The following IL1R1 variants were observed in gnomAD, a reference collection of about 807,000 sequenced individuals.
The protein encoded by IL1R1 is interleukin 1 receptor type 1.
A neutral mutation model predicts 50.2 loss-of-function variants in IL1R1; 22 were observed. That is an observed-to-expected ratio of 0.44 (90% CI 0.31 to 0.63). The LOEUF (loss-of-function observed/expected upper bound fraction) is 0.63, where lower values mean the gene tolerates loss of function less well. IL1R1 is among the 20% of genes least tolerant of loss of function. IL1R1 has a pLI of 0.07. For synonymous variants in IL1R1, 251 were observed against 236.7 expected (o/e 1.06, Z -0.55); for missense variants, 509 against 676.2 (o/e 0.75, Z 2.74).
At position 102,165,178 on chromosome 2, in the gene IL1R1, A is replaced by G; in HGVS notation, c.360A>G (p.Leu120=). ...SAKFVENEPN[L]CYNAQAIFKQ... ...AATTTGTGGAGAATGAGCCTAACTT[A>G]TGTTATAATGCACAAGCCATATTTA... The change falls in exon 5 of 12, where the codon TTA becomes TTG. Residue 120 remains leucine, a synonymous_variant. Coordinates refer to ENST00000410023, the MANE Select transcript of IL1R1 (RefSeq NM_000877.4). 6.3e-7 allele frequency: 1 copy of G among 1,599,104 alleles called. No homozygotes were observed. Among genetic ancestry groups the G allele is most frequent in the Non-Finnish European group, 8.5e-7 (1 of 1,175,766 alleles).
intron 1 of IL1R1, among the ~76,000 whole-genome samples, chr2:102,137,518 A>C (rs892779372): frequency 1.3e-5 from 2 of 152,138 alleles, no homozygotes; most frequent in Non-Finnish European, 2.9e-5. Context: ...CATGGTATAC[A>C]TGTGGCTCGA....
chr2:102,088,556 A>C lies in IL1R1; in HGVS notation c.-84+18023A>C, dbSNP rs112600616. Among the ~76,000 whole-genome samples the C allele has an allele frequency of 7.8e-3, 1,187 of 152,338 alleles. 14 individuals carry two copies. The highest frequency in any genetic ancestry group is 0.028 in the African/African-American group (1,152 of 41,584). ...GCATAGGTAGAGTAGATGTAGCCTA[A>C]GTTTTGAAATGAGAAATGGACGTTG... is the stretch of plus-strand genomic sequence containing the variant. On this transcript the variant is annotated intron_variant, in intron 1 of 11. Transcript: ENST00000409929.
At chr2:102,167,442 GTTTTTTTTTTTTT>G (rs3047461) in intron 6 of IL1R1, among the ~76,000 whole-genome samples, 1 of 68,916 alleles carries the variant, frequency 1.5e-5, no homozygotes, top group South Asian at 6.6e-4. Context: ...TAGGTTAAGT[GTTTTTTTTTTTTT>G]TTTTTTTTTT....
At chr2:102,157,586 A>C (rs1478896797) in intron 2 of IL1R1, 133 bp from the exon 3 acceptor site, 1 of 670,836 alleles carries the variant, frequency 1.5e-6, no homozygotes, top group Non-Finnish European at 2.7e-6. Context: ...CATGATGTAG[A>C]AAAACCAGTT....
At chr2:102,131,952 A>G (rs1017880891) in intron 1 of IL1R1, among the ~76,000 whole-genome samples, 1 of 152,146 alleles carries the variant, frequency 6.6e-6, no homozygotes, top group African/African-American at 2.4e-5. Flanking sequence ...CTGAGGGAAA[A>G]AATACGCCTA....
chr2:102,115,046 T>C (rs971817651), intron 1 of IL1R1, among the ~76,000 whole-genome samples: 3 of 152,186 alleles, frequency 2.0e-5, no homozygotes, highest in Non-Finnish European at 4.4e-5. Flanking sequence ...GGCCAGTAGT[T>C]GTCAACCCTG....
At chr2:102,150,966 A>G (rs529700979) in intron 1 of IL1R1, among the ~76,000 whole-genome samples, 1 of 152,348 alleles carries the variant, frequency 6.6e-6, no homozygotes, top group African/African-American at 2.4e-5. Flanking sequence ...GGAAAATTCA[A>G]TCTGAAAAAT....
chr2:102,131,868 A>T (rs894958002), intron 1 of IL1R1, among the ~76,000 whole-genome samples: 4 of 151,856 alleles, frequency 2.6e-5, no homozygotes, highest in Admixed American at 6.6e-5. Flanking sequence ...ACCTTAAGAA[A>T]CTTGAGGACA....
At chr2:102,116,600 G>A (rs1681084332) in intron 1 of IL1R1, among the ~76,000 whole-genome samples, 2 of 152,168 alleles carry the variant, frequency 1.3e-5, no homozygotes, top group African/African-American at 2.4e-5. Flanking sequence ...AGAGTAAAGG[G>A]AGGTCAACTT....
At chr2:102,094,746 C>A (rs989573979) in intron 1 of IL1R1, among the ~76,000 whole-genome samples, 1 of 152,086 alleles carries the variant, frequency 6.6e-6, no homozygotes. Context: ...AGTCAGCCAA[C>A]AGACACAGAA....
intron 1 of IL1R1, among the ~76,000 whole-genome samples, chr2:102,107,920 C>T (rs537551468): frequency 2.1e-4 from 32 of 152,166 alleles, no homozygotes; most frequent in African/African-American, 6.0e-4. Flanking sequence ...GAATTTTTAC[C>T]GATTGAGTAA....
At chr2:102,143,436 T>G (rs1417216170) in intron 1 of IL1R1, among the ~76,000 whole-genome samples, 2 of 152,156 alleles carry the variant, frequency 1.3e-5, no homozygotes, top group East Asian at 3.9e-4. Context: ...TTGTTGCCCC[T>G]CCAGATAAAG....
upstream of IL1R1, among the ~76,000 whole-genome samples, chr2:102,104,314 C>T (rs775902413): frequency 1.1e-4 from 17 of 152,158 alleles, no homozygotes; most frequent in Non-Finnish European, 2.1e-4. Flanking sequence ...AAAGCTTAGG[C>T]CACCACAGGC....
At position 102,129,791 on chromosome 2, in the gene IL1R1, G is replaced by A. The variant is rs551559819; in HGVS notation, c.-83-24150G>A. ...TGCAGAAGCTTTATGTAGAGCAGAC[G>A]TTCTTGAACTTTCGGTCTAAAGACA... On this transcript the variant is annotated intron_variant, in intron 1 of 10. Coordinates refer to the IL1R1 transcript ENST00000409329. Among the ~76,000 whole-genome samples, 283 of 152,252 alleles carry A rather than the reference G, an allele frequency of 1.9e-3. 2 individuals are homozygous for A. The highest frequency in any genetic ancestry group is 6.5e-3 in the African/African-American group (268 of 41,548).
In IL1R1 at chr2:102,176,717, T is replaced by C; in HGVS notation, c.1668T>C (p.Thr556=). 3.7e-6 allele frequency: 6 copies of C among 1,614,118 alleles called. No individual in the cohort carries two copies. The highest frequency in any genetic ancestry group is 1.3e-5 in the African/African-American group (1 of 75,034). The stretch of plus-strand genomic sequence containing the variant: ...AACACCAGTTACTGTCACCAGCCAC[T>C]AAGGAGAAACTGCAAAGAGAGGCTC... The part of the protein sequence containing the change: ...SSKHQLLSPA[T]KEKLQREAHV... Residue 556 remains threonine (T), a synonymous_variant, in exon 12 of 12, where the codon ACT becomes ACC. Coordinates refer to ENST00000410023, the MANE Select transcript of IL1R1 (RefSeq NM_000877.4).
intron 1 of IL1R1, among the ~76,000 whole-genome samples, chr2:102,125,334 T>C (rs1253215696): frequency 6.6e-6 from 1 of 152,198 alleles, no homozygotes; most frequent in Non-Finnish European, 1.5e-5. Context: ...CTTCATCATA[T>C]TTGCATCAAG....
intron 3 of IL1R1, among the ~76,000 whole-genome samples, chr2:102,163,933 C>A (rs1345234354): frequency 1.3e-5 from 2 of 152,108 alleles, no homozygotes; most frequent in Non-Finnish European, 2.9e-5. Flanking sequence ...AAAGTTTATT[C>A]TTGGCCTAAT....
intron 6 of IL1R1, among the ~76,000 whole-genome samples, chr2:102,167,573 G>A (rs1011183647): frequency 5.4e-5 from 8 of 148,670 alleles, no homozygotes; most frequent in East Asian, 4.1e-4. Context: ...TCAGCCTCCC[G>A]AGTAGCTGGA....
intron 7 of IL1R1, 123 bp downstream of exon 7, chr2:102,168,786 A>G: frequency 1.5e-6 from 1 of 664,336 alleles, no homozygotes; most frequent in Non-Finnish European, 2.6e-6. Flanking sequence ...CTATCAATGG[A>G]GGGAAAGTGA....
Sources: gnomAD v4.1 joint callset for allele counts (sites outside exome capture counted in the v4.1 genomes callset) on GRCh38, gnomAD v4.1.1 for gene constraint, MANE v1.5 for transcripts, NCBI Gene and HGNC (gene_info 2026-07-23, HGNC 2026-07-21) for gene names.